APOL5: variants seen among roughly 807,000 people sequenced by gnomAD.
The protein encoded by APOL5 is apolipoprotein L5, also known as apolipoprotein L, 5.
In APOL5, 29 loss-of-function variants were observed where a neutral mutation model predicts 35.5. The ratio of observed to expected loss-of-function variants is 0.82; its 90% CI spans 0.61 to 1.11. The LOEUF (loss-of-function observed/expected upper bound fraction) is 1.11, where lower values mean the gene tolerates loss of function less well. APOL5 is among the 50% of genes most tolerant of loss of function. The pLI is 0.00. For missense variants in APOL5, 514 were observed against 530.4 expected (o/e 0.97, Z 0.30); for synonymous variants, 188 against 200.2 (o/e 0.94, Z 0.51).
chr22:35,716,058 G>A (rs375081193), upstream of APOL5, among the ~76,000 whole-genome samples: 2 of 151,974 alleles, frequency 1.3e-5, no homozygotes, highest in African/African-American at 4.8e-5. Context: ...GAAATAAATA[G>A]GACACAAAAG....
chr22:35,721,685 G>A (rs983915919), intron 2 of APOL5, among the ~76,000 whole-genome samples: 1 of 152,122 alleles, frequency 6.6e-6, no homozygotes, highest in Admixed American at 6.5e-5. Flanking sequence ...TCCTGGGTCT[G>A]CCTTCACCCT....
the APOL5 span, among the ~76,000 whole-genome samples, chr22:35,711,429 G>C: frequency 6.6e-6 from 1 of 152,020 alleles, no homozygotes; most frequent in African/African-American, 2.4e-5. Flanking sequence ...TGGATCATAT[G>C]TTAGTTTTAT....
chr22:35,724,125 A>T (rs1011540791), intron 2 of APOL5, among the ~76,000 whole-genome samples: 22 of 151,234 alleles, frequency 1.5e-4, no homozygotes, highest in African/African-American at 5.1e-4. Flanking sequence ...AAATTATCAT[A>T]CATGCATTTG....
chr22:35,718,037 T>C lies in APOL5; in HGVS notation c.55+111T>C, dbSNP rs932756993. The stretch of plus-strand genomic sequence containing the variant: ...TTTTATACCCACCATATGCTATTGC[T>C]GGGTGGAGATATAGCAGATCCTTGG... On this transcript the variant is annotated intron_variant, in intron 1 of 4. Transcript: ENST00000249044. 1.3e-5 allele frequency: 10 copies of C among 781,754 alleles called. 1 individual carries two copies. Among genetic ancestry groups the C allele is most frequent in the African/African-American group, 1.8e-5 (1 of 55,652 alleles). 48.4% of individuals were successfully genotyped at this position (781,754 alleles called of 1,614,324 possible).
chr22:35,708,683 C>T, the APOL5 span, among the ~76,000 whole-genome samples: 108,693 of 152,028 alleles, frequency 0.71, 39,482 homozygotes, highest in African/African-American at 0.83. Flanking sequence ...CTTTCCTCTG[C>T]GCTGATTTTT....
chr22:35,716,196 G>A (rs1926738752), upstream of APOL5, among the ~76,000 whole-genome samples: 5 of 152,328 alleles, frequency 3.3e-5, no homozygotes, highest in South Asian at 1.0e-3. Flanking sequence ...TGCACCAAAT[G>A]CATTACTGTA....
chr22:35,711,603 C>CTTCCTTCCTTCCTTCCTTCT, the APOL5 span, among the ~76,000 whole-genome samples: 1 of 122,660 alleles, frequency 8.2e-6, no homozygotes, highest in African/African-American at 3.0e-5. Context: ...CATGTTTTTC[C>CTTCCTTCCTTCCTTCCTTCT]TTCCTTCCTT....
upstream of APOL5, among the ~76,000 whole-genome samples, chr22:35,715,707 G>A (rs1235216250): frequency 6.6e-6 from 1 of 152,128 alleles, no homozygotes; most frequent in Non-Finnish European, 1.5e-5. Context: ...TGAATGATGA[G>A]GTCTTATTCT....
intron 2 of APOL5, among the ~76,000 whole-genome samples, chr22:35,724,025 C>A (rs938906342): frequency 2.6e-5 from 4 of 152,098 alleles, no homozygotes; most frequent in Non-Finnish European, 5.9e-5. Context: ...GACAGTGAGC[C>A]CTCTCCCGTG....
At chr22:35,715,276 C>A (rs1926710388), upstream of APOL5, among the ~76,000 whole-genome samples, 1 of 152,176 alleles carries the variant, frequency 6.6e-6, no homozygotes, top group Non-Finnish European at 1.5e-5. Flanking sequence ...AAAATAAAGT[C>A]TAATAGAGTC....
At chr22:35,715,185 G>T (rs1428739045), upstream of APOL5, among the ~76,000 whole-genome samples, 1 of 152,136 alleles carries the variant, frequency 6.6e-6, no homozygotes, top group Admixed American at 6.5e-5. Context: ...CCTGTCCAGT[G>T]GTTCTCCCAC....
chr22:35,724,849 G>C (rs1160934456), intron 2 of APOL5, among the ~76,000 whole-genome samples: 1 of 152,114 alleles, frequency 6.6e-6, no homozygotes, highest in Non-Finnish European at 1.5e-5. Context: ...GACCTCAGGT[G>C]ACCCACCCGC....
rs1257126473 is a variant in APOL5, at chr22:35,726,469, T to C, written c.401T>C (p.Leu134Pro). 2 of 1,614,220 alleles carry C rather than the reference T, an allele frequency of 1.2e-6. No homozygotes were observed. Among genetic ancestry groups the C allele is most frequent in the Non-Finnish European group, 1.7e-6 (2 of 1,180,042 alleles). Residue 134 changes from leucine (L) to proline (P), a missense_variant, in exon 3 of 5, where the codon CTT becomes CCT. Around this residue, in one of 3 missense-constraint regions of APOL5, gnomAD observed 254 missense variants for 254.7 expected, o/e 1.00. Coordinates refer to ENST00000249044, the MANE Select transcript of APOL5 (RefSeq NM_030642.1). Reference protein sequence around the residue: ...ADQVDTTHELLTKTSLVASSS... With the variant: ...ADQVDTTHELPTKTSLVASSS... ...CAAGTTGACACCACTCACGAGTTGC[T>C]TACCAAGACCAGCCTGGTGGCCAGC...
the APOL5 span, among the ~76,000 whole-genome samples, chr22:35,710,321 T>C: frequency 6.6e-6 from 1 of 151,064 alleles, no homozygotes; most frequent in African/African-American, 2.4e-5. Flanking sequence ...TCTTTTTTTT[T>C]TGTAGAGACA....
chr22:35,714,263 G>C (rs1423527241), upstream of APOL5, among the ~76,000 whole-genome samples: 1 of 152,206 alleles, frequency 6.6e-6, no homozygotes, highest in Non-Finnish European at 1.5e-5. Context: ...AGTGAGCTGA[G>C]ACCATGCCAC....
At chr22:35,717,754 GAAAGA>G (rs1926807973), upstream of APOL5, 5 of 346,370 alleles carry the variant, frequency 1.4e-5, no homozygotes, top group South Asian at 4.9e-4. Context: ...AAAAAAAAAA[GAAAGA>G]AAAGAAAAGA....
In APOL5 at chr22:35,728,742, C is replaced by T; in HGVS notation, c.1146C>T (p.Pro382=). Residue 382 remains proline (P), a synonymous_variant, in exon 4 of 5, where the codon CCC becomes CCT. Coordinates refer to ENST00000249044, the MANE Select transcript of APOL5 (RefSeq NM_030642.1). ...CCACAGGGTCTCGCTCACCTCTCCC[C>T]TGGCCTGTTGTGGAGCACCAGCCTA... is the stretch of plus-strand genomic sequence containing the variant. ...VKPEGSRSPL[P]WPVVEHQPRL... 2 of 1,613,120 alleles carry T rather than the reference C, an allele frequency of 1.2e-6. No individual in the cohort carries two copies. Among genetic ancestry groups the T allele is most frequent in the Non-Finnish European group, 8.5e-7 (1 of 1,179,616 alleles).
upstream of APOL5, chr22:35,717,816 A>T: frequency 7.8e-7 from 1 of 1,281,444 alleles, no homozygotes; most frequent in South Asian, 1.7e-5. Context: ...AGGCATGGAG[A>T]AGGGAGTCAT....
intron 1 of APOL5, among the ~76,000 whole-genome samples, chr22:35,720,352 C>T (rs1926923217): frequency 6.6e-6 from 1 of 152,216 alleles, no homozygotes; most frequent in Non-Finnish European, 1.5e-5. Context: ...TTATTGCATC[C>T]TAGTCAACCT....
Sources: gnomAD v4.1 joint callset for allele counts (sites outside exome capture counted in the v4.1 genomes callset) on GRCh38, gnomAD v4.1.1 for gene constraint, gnomAD v4.1.1 regional missense constraint, MANE v1.5 for transcripts, NCBI Gene and HGNC (gene_info 2026-07-23, HGNC 2026-07-21) for gene names.